The following CSMD1 variants were observed in gnomAD, a reference collection of about 807,000 sequenced individuals.
The protein encoded by CSMD1 is CUB and Sushi multiple domains 1.
In CSMD1, 213 loss-of-function variants were observed where a neutral mutation model predicts 417.5. That is an observed-to-expected ratio of 0.51 (90% CI 0.46 to 0.57). The LOEUF (loss-of-function observed/expected upper bound fraction) is 0.57, where lower values mean the gene tolerates loss of function less well. Among genes scored for constraint, CSMD1 ranks in the 20% least tolerant of loss-of-function variants. The probability of loss-of-function intolerance (pLI) is 0.00; values close to 1 mark genes in which losing one functional copy is unlikely to be tolerated. For missense variants in CSMD1, 6,923 were observed against 4,529.7 expected (o/e 1.53, Z -15.17); for synonymous variants, 2,862 against 1,736.8 (o/e 1.65, Z -16.11).
chr8:3,554,995 C>T (rs949048284), intron 10 of CSMD1, among the ~76,000 whole-genome samples: 3 of 152,000 alleles, frequency 2.0e-5, no homozygotes, highest in Non-Finnish European at 4.4e-5. Flanking sequence ...GCAGGAAACA[C>T]CACATAAGCT....
intron 37 of CSMD1, among the ~76,000 whole-genome samples, chr8:3,174,679 T>C (rs576156524): frequency 6.6e-6 from 1 of 152,352 alleles, no homozygotes; most frequent in East Asian, 1.9e-4. Context: ...TTTCCTTTTA[T>C]GATTTTATTG....
intron 5 of CSMD1, among the ~76,000 whole-genome samples, chr8:3,782,945 G>C (rs1799259320): frequency 1.3e-5 from 2 of 152,252 alleles, no homozygotes; most frequent in South Asian, 2.1e-4. Flanking sequence ...AAGAGATCTA[G>C]CCTCTAAACC....
In CSMD1 at chr8:4,240,360, T is replaced by A. The variant is rs560250559; in HGVS notation, c.415+179593A>T. On this transcript the variant is annotated intron_variant, in intron 3 of 69. Coordinates refer to ENST00000635120, the MANE Select transcript of CSMD1 (RefSeq NM_033225.6). ...CTTTGCTAAAAAGGAAACTCCTGCATTCTGGCTATGCCCCATTTTGCAGGC... is the reference window on the plus strand; with the variant it reads ...CTTTGCTAAAAAGGAAACTCCTGCAATCTGGCTATGCCCCATTTTGCAGGC... Among the ~76,000 whole-genome samples the A allele has an allele frequency of 3.3e-4, 51 of 152,350 alleles. 2 individuals carry two copies. The South Asian group carries it at 0.01, about 31-fold the overall frequency.
chr8:4,633,490 C>G (rs764300338), intron 2 of CSMD1, among the ~76,000 whole-genome samples: 4 of 151,946 alleles, frequency 2.6e-5, no homozygotes, highest in Non-Finnish European at 4.4e-5. Flanking sequence ...ACCTCGTGAT[C>G]CAACTGCCTC....
At chr8:4,465,969 G>C (rs778940542) in intron 2 of CSMD1, among the ~76,000 whole-genome samples, 3 of 152,190 alleles carry the variant, frequency 2.0e-5, no homozygotes, top group Non-Finnish European at 4.4e-5. Context: ...TTGTGGGAGA[G>C]ACAAGGACAG....
At chr8:4,162,505 A>T (rs1797232369) in intron 3 of CSMD1, among the ~76,000 whole-genome samples, 1 of 152,196 alleles carries the variant, frequency 6.6e-6, no homozygotes, top group African/African-American at 2.4e-5. Context: ...GATCCTCATA[A>T]ATCTAACTTG....
At chr8:3,506,113 G>T (rs1289334659) in intron 10 of CSMD1, among the ~76,000 whole-genome samples, 1 of 152,186 alleles carries the variant, frequency 6.6e-6, no homozygotes, top group African/African-American at 2.4e-5. Context: ...TCTCATCGGA[G>T]GCCAGGTGAT....
At chr8:3,313,552 C>T (rs1805519553) in intron 23 of CSMD1, among the ~76,000 whole-genome samples, 1 of 152,140 alleles carries the variant, frequency 6.6e-6, no homozygotes, top group Admixed American at 6.5e-5. Context: ...CAAATCAAAA[C>T]CACAATAAGA....
chr8:4,651,083 A>C (rs1194292159), intron 1 of CSMD1, among the ~76,000 whole-genome samples: 1 of 152,194 alleles, frequency 6.6e-6, no homozygotes. Flanking sequence ...CAGATGTCTC[A>C]GGAAATATAA....
intron 3 of CSMD1, 58 bp downstream of exon 3, chr8:4,419,895 G>C (rs572615692): frequency 6.3e-6 from 7 of 1,117,426 alleles, no homozygotes; most frequent in South Asian, 1.3e-5. Flanking sequence ...ATCCAGTGTA[G>C]CATGTATTAG....
chr8:3,409,097 C>A (rs1429054948), intron 13 of CSMD1, among the ~76,000 whole-genome samples: 1 of 152,188 alleles, frequency 6.6e-6, no homozygotes, highest in Non-Finnish European at 1.5e-5. Flanking sequence ...ACAAAGGACT[C>A]TGTTGCTGTA....
intron 7 of CSMD1, among the ~76,000 whole-genome samples, chr8:3,654,199 AT>A (rs1449117220): frequency 6.6e-6 from 1 of 152,196 alleles, no homozygotes; most frequent in Non-Finnish European, 1.5e-5. Context: ...GTGTTTTAAT[AT>A]TTACCTTCAG....
At chr8:4,424,015 T>A (rs1243413402) in intron 2 of CSMD1, among the ~76,000 whole-genome samples, 1 of 152,040 alleles carries the variant, frequency 6.6e-6, no homozygotes. Flanking sequence ...TAGCAAATAG[T>A]AAGTTTAACA....
At chr8:3,953,953 T>C (rs1811751986) in intron 5 of CSMD1, among the ~76,000 whole-genome samples, 1 of 152,204 alleles carries the variant, frequency 6.6e-6, no homozygotes, top group Non-Finnish European at 1.5e-5. Context: ...GGTCTCGCCT[T>C]AGGCTGGGAG....
intron 1 of CSMD1, among the ~76,000 whole-genome samples, chr8:4,722,412 C>G (rs1351108): frequency 0.28 from 42,881 of 151,994 alleles, 7,078 homozygotes; most frequent in African/African-American, 0.46. Context: ...TATCTCTTGA[C>G]CGAGTGAAAA....
chr8:4,137,070 C>A (rs1346719976), intron 3 of CSMD1, among the ~76,000 whole-genome samples: 3 of 152,194 alleles, frequency 2.0e-5, no homozygotes, highest in African/African-American at 7.2e-5. Context: ...ACTTCCTTTG[C>A]TACTTCCCTT....
At chr8:4,920,909 A>AGAG (rs71209135) in intron 1 of CSMD1, among the ~76,000 whole-genome samples, 2 of 57,332 alleles carry the variant, frequency 3.5e-5, no homozygotes, top group African/African-American at 9.7e-5. Context: ...AAGAAAAGAA[A>AGAG]AGAAAAGAAA....
At chr8:4,325,530 T>G (rs1284221620) in intron 3 of CSMD1, among the ~76,000 whole-genome samples, 1 of 152,202 alleles carries the variant, frequency 6.6e-6, no homozygotes, top group Non-Finnish European at 1.5e-5. Context: ...TTTGCATGAA[T>G]ATCCATGGCA....
intron 1 of CSMD1, among the ~76,000 whole-genome samples, chr8:4,744,649 A>G (rs567618434): frequency 8.5e-5 from 13 of 152,154 alleles, no homozygotes; most frequent in South Asian, 2.1e-4. Context: ...ATTATTCTCA[A>G]TTTTGAAAAT....
Sources: allele counts gnomAD v4.1 joint callset (sites outside exome capture counted in the v4.1 genomes callset), GRCh38; gene constraint gnomAD v4.1.1; transcripts MANE v1.5; gene names NCBI Gene and HGNC (gene_info 2026-07-23, HGNC 2026-07-21).